The following DLG2 variants were observed in gnomAD, a reference collection of about 807,000 sequenced individuals.
DLG2 encodes disks large homolog 2.
In DLG2, 45 loss-of-function variants were observed where a neutral mutation model predicts 132.5. The observed-to-expected ratio is 0.34, with a 90% CI of 0.27 to 0.44. The LOEUF is 0.44. DLG2 is among the 20% of genes least tolerant of loss of function. The probability of loss-of-function intolerance (pLI) is 1.00; values close to 1 mark genes in which losing one functional copy is unlikely to be tolerated. For synonymous variants in DLG2, 424 were observed against 419.6 expected (o/e 1.01, Z -0.13); for missense variants, 1,045 against 1,196.9 (o/e 0.87, Z 1.87).
chr11:83,537,077 A>C (rs1201414012), intron 20 of DLG2, among the ~76,000 whole-genome samples: 1 of 152,222 alleles, frequency 6.6e-6, no homozygotes, highest in Non-Finnish European at 1.5e-5. Flanking sequence ...GCAATTAATT[A>C]GATTGTTTGA....
At chr11:84,207,261 A>G (rs2096682848) in intron 8 of DLG2, among the ~76,000 whole-genome samples, 1 of 152,048 alleles carries the variant, frequency 6.6e-6, no homozygotes, top group African/African-American at 2.4e-5. Flanking sequence ...AATGAATATC[A>G]TAGCAGGCTT....
At chr11:84,421,301 A>T (rs1022634975) in intron 7 of DLG2, among the ~76,000 whole-genome samples, 5 of 152,178 alleles carry the variant, frequency 3.3e-5, no homozygotes, top group Admixed American at 3.3e-4. Flanking sequence ...ACTGATTAAG[A>T]CAGGCTTTTA....
chr11:83,805,593 T>G (rs887497644), intron 17 of DLG2, among the ~76,000 whole-genome samples: 3 of 152,158 alleles, frequency 2.0e-5, no homozygotes, highest in African/African-American at 7.2e-5. Context: ...CTCTCCCTTT[T>G]GTCTACTCTC....
At chr11:85,294,442 C>T (rs759843307) in intron 3 of DLG2, among the ~76,000 whole-genome samples, 22 of 151,944 alleles carry the variant, frequency 1.4e-4, no homozygotes, top group Non-Finnish European at 2.8e-4. Context: ...ATCATTAGGG[C>T]ATATGTGAGG....
intron 14 of DLG2, among the ~76,000 whole-genome samples, chr11:83,957,986 C>T (rs1386758662): frequency 6.6e-6 from 1 of 152,182 alleles, no homozygotes; most frequent in Non-Finnish European, 1.5e-5. Context: ...TCCTTTGTAG[C>T]ACTTAGCACT....
At chr11:85,005,972 T>C (rs879821421) in intron 6 of DLG2, among the ~76,000 whole-genome samples, 2 of 152,222 alleles carry the variant, frequency 1.3e-5, no homozygotes, top group Non-Finnish European at 1.5e-5. Context: ...TCTGCATCTA[T>C]TGAGATAATC....
chr11:84,264,534 G>T (rs1367614460), intron 7 of DLG2, among the ~76,000 whole-genome samples: 1 of 152,146 alleles, frequency 6.6e-6, no homozygotes, highest in Non-Finnish European at 1.5e-5. Flanking sequence ...GAATGAAAGA[G>T]AAGGAGCACA....
Position 84,262,448 on chromosome 11 carries a change from G to C in DLG2, c.520-11157C>G, listed in dbSNP as rs540998721. Among the ~76,000 whole-genome samples the C allele has an allele frequency of 4.6e-5, 7 of 152,212 alleles. No homozygotes were observed. In the South Asian group the frequency reaches 1.5e-3, roughly 32 times the overall value. On this transcript the variant is annotated intron_variant, in intron 7 of 27. Transcript: ENST00000376104. Reference sequence around the variant, plus strand: ...TAAAATGTGAGAATATATCCCCAAAGACTTACCCAAAACTAGACATTTATT... The same window carrying C: ...TAAAATGTGAGAATATATCCCCAAACACTTACCCAAAACTAGACATTTATT...
chr11:83,631,167 C>CTTTTTT (rs57696126), intron 19 of DLG2: 11 of 91,616 alleles, frequency 1.2e-4, no homozygotes, highest in East Asian at 3.2e-4. Flanking sequence ...TTGCTTCTTG[C>CTTTTTT]TTTTTTTTTT....
chr11:85,505,097 T>C (rs994420107), intron 3 of DLG2, among the ~76,000 whole-genome samples: 5 of 152,224 alleles, frequency 3.3e-5, no homozygotes, highest in African/African-American at 9.7e-5. Context: ...CTGAATTTGC[T>C]TATCAGGTTA....
chr11:83,808,829 C>T (rs75349914), intron 17 of DLG2, among the ~76,000 whole-genome samples: 2 of 149,674 alleles, frequency 1.3e-5, no homozygotes, highest in African/African-American at 4.9e-5. Context: ...ATTTTTTTTC[C>T]TCTCTATTAT....
At chr11:85,039,871 G>A (rs981698036) in intron 6 of DLG2, among the ~76,000 whole-genome samples, 3 of 151,866 alleles carry the variant, frequency 2.0e-5, no homozygotes, top group Non-Finnish European at 4.4e-5. Context: ...TTGGTTGAAT[G>A]AATGAATTTC....
chr11:84,149,344 G>T (rs1277235570), intron 9 of DLG2, among the ~76,000 whole-genome samples: 1 of 152,096 alleles, frequency 6.6e-6, no homozygotes, highest in East Asian at 1.9e-4. Context: ...GATTTTTATA[G>T]TTTGAGGTCT....
chr11:85,156,358 A>G (rs1314104611), intron 4 of DLG2, among the ~76,000 whole-genome samples: 1 of 152,204 alleles, frequency 6.6e-6, no homozygotes, highest in East Asian at 1.9e-4. Context: ...TCTCTAGAAT[A>G]AATACATATT....
intron 8 of DLG2, among the ~76,000 whole-genome samples, chr11:84,215,230 T>A (rs531334773): frequency 6.6e-6 from 1 of 152,208 alleles, no homozygotes; most frequent in Non-Finnish European, 1.5e-5. Context: ...CTCTGCAACA[T>A]GAGCTGAATT....
intron 7 of DLG2, among the ~76,000 whole-genome samples, chr11:84,300,062 A>G (rs1346326504): frequency 5.3e-5 from 8 of 152,160 alleles, no homozygotes; most frequent in Non-Finnish European, 8.8e-5. Context: ...GGCTGCCTAC[A>G]TTTTAAGACA....
At chr11:85,083,257 G>A (rs1159842430) in intron 6 of DLG2, among the ~76,000 whole-genome samples, 1 of 152,116 alleles carries the variant, frequency 6.6e-6, no homozygotes, top group Non-Finnish European at 1.5e-5. Flanking sequence ...TTCTCTGAAT[G>A]GGGGAGCCTC....
At chr11:85,331,264 A>G (rs748521482) in intron 3 of DLG2, among the ~76,000 whole-genome samples, 1 of 152,196 alleles carries the variant, frequency 6.6e-6, no homozygotes, top group African/African-American at 2.4e-5. Context: ...ATATGTAAAT[A>G]GACGCCCTAT....
chr11:85,316,672 G>C (rs1044153980), intron 3 of DLG2, among the ~76,000 whole-genome samples: 4 of 151,732 alleles, frequency 2.6e-5, no homozygotes, highest in African/African-American at 9.7e-5. Flanking sequence ...GAGTGACCAG[G>C]ACAAACTCAA....
Sources: gnomAD v4.1 joint callset for allele counts (sites outside exome capture counted in the v4.1 genomes callset) on GRCh38, gnomAD v4.1.1 for gene constraint, MANE v1.5 for transcripts, NCBI Gene and HGNC (gene_info 2026-07-23, HGNC 2026-07-21) for gene names.